The following ERAP1 variants were observed in gnomAD, a reference collection of about 807,000 sequenced individuals.
ERAP1 encodes endoplasmic reticulum aminopeptidase 1.
In ERAP1, 86 loss-of-function variants were observed where a neutral mutation model predicts 103.7. The ratio of observed to expected loss-of-function variants is 0.83; its 90% confidence interval spans 0.70 to 0.99. The LOEUF is 0.99. Ranked by LOEUF, ERAP1 falls within the 50% of genes least tolerant of loss-of-function variation. The pLI, the probability that ERAP1 is intolerant of heterozygous loss-of-function variation, is 0.00. For missense variants in ERAP1, 1,009 were observed against 1,128.4 expected (o/e 0.89, Z 1.52); for synonymous variants, 398 against 402.4 (o/e 0.99, Z 0.13).
rs770862712 is a variant in ERAP1 at position 96,763,353 on chromosome 5, T to TATGTGCATGTGC, written c.2819-137_2819-126dup. The TATGTGCATGTGC allele has an allele frequency of 1.2e-5, 9 of 737,564 alleles. No individual in the cohort carries two copies. In the African/African-American group the frequency reaches 1.5e-4, roughly 13 times the overall value. 45.7% of individuals were successfully genotyped at this position (737,564 alleles called of 1,614,324 possible). ...ACCAGTAAAATGCCCCGTGTGTGTG[T>TATGTGCATGTGC]ATGTGCATGTGCATGTGCATGTGTG... On this transcript the variant is annotated intron_variant, in intron 19 of 19. Transcript: ENST00000296754.
chr5:96,917,663 T>C, the ERAP1 span: 21 of 1,420,278 alleles, frequency 1.5e-5, no homozygotes, highest in South Asian at 7.5e-5. Flanking sequence ...TCCCAGCACT[T>C]TGGGAGGCTG....
intron 5 of ERAP1, 24 bp from the exon 6 acceptor site, chr5:96,793,981 C>T: frequency 6.2e-7 from 1 of 1,612,436 alleles, no homozygotes; most frequent in Non-Finnish European, 8.5e-7. Context: ...TAATAAAATA[C>T]ATTACCAGTC....
the ERAP1 span, chr5:96,918,325 A>G: frequency 1.3e-5 from 2 of 152,254 alleles, no homozygotes; most frequent in Admixed American, 1.3e-4. Flanking sequence ...AGTTTGCCCA[A>G]CCAGTTTTAC....
chr5:96,790,237 C>T, intron 10 of ERAP1, 59 bp downstream of exon 10: 1 of 1,521,004 alleles, frequency 6.6e-7, no homozygotes, highest in African/African-American at 1.4e-5. Context: ...AGCTGCCTTT[C>T]AAAGAATATG....
At chr5:96,934,337 C>G in the ERAP1 span, 1 of 152,178 alleles carries the variant, frequency 6.6e-6, no homozygotes, top group Non-Finnish European at 1.5e-5. Context: ...GCAGAGGTGA[C>G]ATTTGAGCCG....
the ERAP1 span, among the ~76,000 whole-genome samples, chr5:96,882,143 C>T: frequency 6.6e-6 from 1 of 152,202 alleles, no homozygotes; most frequent in South Asian, 2.1e-4. Context: ...AGCCACAATC[C>T]TCAGGGGCTT....
chr5:96,911,625 C>T, the ERAP1 span, among the ~76,000 whole-genome samples: 1 of 151,922 alleles, frequency 6.6e-6, no homozygotes, highest in Non-Finnish European at 1.5e-5. Context: ...GTAGCTCATG[C>T]CTGTAAGGCC....
the ERAP1 span, among the ~76,000 whole-genome samples, chr5:96,903,805 CT>C: frequency 6.6e-6 from 1 of 152,146 alleles, no homozygotes; most frequent in Non-Finnish European, 1.5e-5. Context: ...CCTCTGGAAT[CT>C]CTTAAAAATG....
intron 19 of ERAP1, chr5:96,769,414 TTTGG>T (rs1771382832): frequency 6.6e-6 from 1 of 151,844 alleles, no homozygotes; most frequent in African/African-American, 2.4e-5. Flanking sequence ...TTTTTTGCCT[TTTGG>T]TACACAAAAG....
At chr5:96,828,911 A>G in the ERAP1 span, among the ~76,000 whole-genome samples, 1 of 152,114 alleles carries the variant, frequency 6.6e-6, no homozygotes, top group African/African-American at 2.4e-5. Context: ...CAGTGGCACA[A>G]TCTCGGCTCA....
At chr5:96,872,625 A>C in the ERAP1 span, among the ~76,000 whole-genome samples, 1 of 152,130 alleles carries the variant, frequency 6.6e-6, no homozygotes, top group Non-Finnish European at 1.5e-5. Context: ...GAATAAAAGT[A>C]ACTGATGCAG....
At chr5:96,900,469 G>A in the ERAP1 span, among the ~76,000 whole-genome samples, 1 of 152,230 alleles carries the variant, frequency 6.6e-6, no homozygotes, top group African/African-American at 2.4e-5. Context: ...GGTTACTACT[G>A]CATTGGCATC....
intron 2 of ERAP1, among the ~76,000 whole-genome samples, chr5:96,802,368 A>G (rs1201206281): frequency 6.6e-6 from 1 of 152,014 alleles, no homozygotes; most frequent in Non-Finnish European, 1.5e-5. Flanking sequence ...AAAAGAGAAA[A>G]TATAAGAATT....
chr5:96,909,457 T>C, the ERAP1 span: 2 of 761,864 alleles, frequency 2.6e-6, no homozygotes, highest in Non-Finnish European at 4.4e-6. Flanking sequence ...AATACGAAGA[T>C]ACACTGTTTG....
the ERAP1 span, among the ~76,000 whole-genome samples, chr5:96,851,492 C>T: frequency 7.9e-5 from 12 of 152,108 alleles, no homozygotes; most frequent in African/African-American, 2.9e-4. Context: ...TGTGTTTAGA[C>T]TGGACTGCTT....
At chr5:96,903,252 A>G in the ERAP1 span, 3 of 714,164 alleles carry the variant, frequency 4.2e-6, no homozygotes, top group African/African-American at 1.8e-5. Context: ...GAATATCATT[A>G]TGACTCTCCC....
At chr5:96,904,982 GT>G in the ERAP1 span, among the ~76,000 whole-genome samples, 1 of 151,422 alleles carries the variant, frequency 6.6e-6, no homozygotes, top group Non-Finnish European at 1.5e-5. Flanking sequence ...GACAAGTTTT[GT>G]TTTTTTAACC....
the ERAP1 span, among the ~76,000 whole-genome samples, chr5:96,887,071 A>C: frequency 9.8e-6 from 1 of 102,110 alleles, no homozygotes; most frequent in African/African-American, 3.7e-5. Context: ...GTAATTTTCA[A>C]AGTATATATA....
At chr5:96,883,845 G>A in the ERAP1 span, 6 of 1,613,702 alleles carry the variant, frequency 3.7e-6, no homozygotes, top group East Asian at 2.2e-5. Flanking sequence ...GCTTTCCCTT[G>A]CTTTGATGAA....
Sources: allele counts gnomAD v4.1 joint callset (sites outside exome capture counted in the v4.1 genomes callset), GRCh38; gene constraint gnomAD v4.1.1; transcripts MANE v1.5; gene names NCBI Gene and HGNC (gene_info 2026-07-23, HGNC 2026-07-21).